Variants in GALNT17 observed in about 807,000 individuals in gnomAD.
GALNT17 encodes UDP-GalNAc:polypeptide N-acetylgalactosaminyltransferase-like 3.
GALNT17 carries 29 observed loss-of-function variants against 63.7 expected under a neutral mutation model. That is an observed-to-expected ratio of 0.46 (90% CI 0.34 to 0.62). GALNT17 has a LOEUF of 0.62. Among genes scored for constraint, GALNT17 ranks in the 20% least tolerant of loss-of-function variants. The pLI is 0.01. For synonymous variants in GALNT17, 305 were observed against 318.3 expected (o/e 0.96, Z 0.45); for missense variants, 603 against 799.6 (o/e 0.75, Z 2.97).
At chr7:71,543,700 G>GTTTTTTTTTT (rs71089956) in intron 5 of GALNT17, among the ~76,000 whole-genome samples, 1 of 149,096 alleles carries the variant, frequency 6.7e-6, no homozygotes, top group Non-Finnish European at 1.5e-5. Flanking sequence ...GTTTCAGCAG[G>GTTTTTTTTTT]TTTTTTTTTT....
At chr7:71,306,372 T>C (rs1213954992) in intron 1 of GALNT17, among the ~76,000 whole-genome samples, 1 of 152,210 alleles carries the variant, frequency 6.6e-6, no homozygotes, top group Non-Finnish European at 1.5e-5. Flanking sequence ...TGAAGCTCTG[T>C]ACCCATTAAA....
chr7:71,670,323 G>A (rs1198202874), intron 8 of GALNT17, among the ~76,000 whole-genome samples: 3 of 152,138 alleles, frequency 2.0e-5, no homozygotes, highest in Admixed American at 6.5e-5. Context: ...GACTATGATA[G>A]TCTACTTTGC....
At chr7:71,388,147 T>A in intron 2 of GALNT17, 88 bp from the exon 3 acceptor site, 3 of 1,415,644 alleles carry the variant, frequency 2.1e-6, no homozygotes, top group Non-Finnish European at 2.9e-6. Context: ...GGATGAGGAT[T>A]CGGCTGAAAT....
At chr7:71,367,873 G>A (rs545762465) in intron 2 of GALNT17, among the ~76,000 whole-genome samples, 10 of 152,196 alleles carry the variant, frequency 6.6e-5, no homozygotes, top group Non-Finnish European at 1.0e-4. Context: ...CCTTTTACTG[G>A]TGGTCTTTAT....
At chr7:71,236,859 G>A (rs1333989204) in intron 1 of GALNT17, among the ~76,000 whole-genome samples, 2 of 152,180 alleles carry the variant, frequency 1.3e-5, no homozygotes, top group Non-Finnish European at 2.9e-5. Context: ...AGAGAGAGAA[G>A]AAAAGAAAGC....
chr7:71,570,886 G>A (rs547582369), intron 5 of GALNT17, among the ~76,000 whole-genome samples: 1 of 152,260 alleles, frequency 6.6e-6, no homozygotes, highest in South Asian at 2.1e-4. Context: ...GTTGAGGCAG[G>A]AGAATTGCTT....
intron 1 of GALNT17, among the ~76,000 whole-genome samples, chr7:71,269,903 CAG>C (rs937139604): frequency 1.3e-5 from 2 of 152,126 alleles, no homozygotes; most frequent in African/African-American, 4.8e-5. Context: ...GAGCACAAAG[CAG>C]GGGATAGACT....
chr7:71,478,510 T>C (rs767977514), intron 5 of GALNT17, among the ~76,000 whole-genome samples: 2 of 152,094 alleles, frequency 1.3e-5, no homozygotes, highest in Non-Finnish European at 2.9e-5. Flanking sequence ...CAATGGGGTC[T>C]CCCTATGGTT....
intron 1 of GALNT17, among the ~76,000 whole-genome samples, chr7:71,257,529 A>G (rs1273115425): frequency 6.6e-6 from 1 of 152,236 alleles, no homozygotes; most frequent in Admixed American, 6.5e-5. Context: ...AATTTACTGT[A>G]TAAAAGCTAT....
chr7:71,231,313 T>A (rs1484107838), intron 1 of GALNT17, among the ~76,000 whole-genome samples: 2 of 151,988 alleles, frequency 1.3e-5, no homozygotes, highest in Non-Finnish European at 2.9e-5. Flanking sequence ...TGCAGATTTC[T>A]GAGCTGGTAT....
chr7:71,137,767 T>C (rs549388847), intron 1 of GALNT17, among the ~76,000 whole-genome samples: 2 of 152,310 alleles, frequency 1.3e-5, no homozygotes, highest in South Asian at 4.1e-4. Context: ...AGGTTAGGAA[T>C]AGGCAAGTTT....
intron 9 of GALNT17, among the ~76,000 whole-genome samples, chr7:71,693,309 C>CACACACACATATATAT (rs1554325721): frequency 8.1e-6 from 1 of 124,166 alleles, no homozygotes; most frequent in Non-Finnish European, 1.7e-5. Context: ...CACACACACA[C>CACACACACATATATAT]ATATATATAT....
rs752689430 is a variant in GALNT17 at position 71,410,513 on chromosome 7, T to C, written c.590-5376T>C. ...CACCCACCTTGGCCTCCCAAAGTGC[T>C]GGGATTATAGGTGTGAGCCATCACA... is the stretch of plus-strand genomic sequence containing the variant. On this transcript the variant is annotated intron_variant, in intron 3 of 10. Coordinates refer to ENST00000333538, the MANE Select transcript of GALNT17 (RefSeq NM_022479.3). Among the ~76,000 whole-genome samples, 251 of 152,234 alleles carry C rather than the reference T, an allele frequency of 1.6e-3. 3 individuals carry two copies. Among genetic ancestry groups the C allele is most frequent in the Non-Finnish European group, 4.0e-4 (27 of 68,042 alleles).
chr7:71,134,112 A>G lies in GALNT17; in HGVS notation c.238+1072A>G, dbSNP rs866734814. Among the ~76,000 whole-genome samples, 41 of 152,212 alleles carry G rather than the reference A, an allele frequency of 2.7e-4. 1 individual carries two copies. The highest frequency in any genetic ancestry group is 1.3e-4 in the Non-Finnish European group (9 of 68,034). ...TCCACAGAGGGGAAATGAGAAGACT[A>G]AGCGAGGGGAGGTTAACTAAGTTGC... On this transcript the variant is annotated intron_variant, in intron 1 of 10. Transcript: ENST00000333538.
intron 9 of GALNT17, among the ~76,000 whole-genome samples, chr7:71,683,346 G>A (rs1562735591): frequency 2.6e-5 from 4 of 152,212 alleles, no homozygotes; most frequent in South Asian, 2.1e-4. Flanking sequence ...TGTGCAAGGA[G>A]TCCTGTCACC....
intron 1 of GALNT17, among the ~76,000 whole-genome samples, chr7:71,213,011 G>T (rs1302010034): frequency 6.6e-6 from 1 of 151,134 alleles, no homozygotes; most frequent in African/African-American, 2.4e-5. Flanking sequence ...AGGCATGATT[G>T]GTTTTGAAAT....
At chr7:71,696,737 T>A (rs1024831038) in intron 9 of GALNT17, among the ~76,000 whole-genome samples, 1 of 152,182 alleles carries the variant, frequency 6.6e-6, no homozygotes, top group Non-Finnish European at 1.5e-5. Context: ...TTTTTCCCAA[T>A]GCATTAGGGT....
chr7:71,272,093 G>A (rs1285714068), intron 1 of GALNT17, among the ~76,000 whole-genome samples: 2 of 152,310 alleles, frequency 1.3e-5, no homozygotes, highest in Non-Finnish European at 2.9e-5. Flanking sequence ...TCTCTAGACT[G>A]TCATACATTG....
chr7:71,377,822 T>C (rs1792773285), intron 2 of GALNT17, among the ~76,000 whole-genome samples: 1 of 152,134 alleles, frequency 6.6e-6, no homozygotes, highest in African/African-American at 2.4e-5. Context: ...TGTTTGGAAG[T>C]CCCTCCTTCC....
Sources: gnomAD v4.1 joint callset for allele counts (sites outside exome capture counted in the v4.1 genomes callset) on GRCh38, gnomAD v4.1.1 for gene constraint, MANE v1.5 for transcripts, NCBI Gene and HGNC (gene_info 2026-07-23, HGNC 2026-07-21) for gene names.